GRB10: variants seen among roughly 807,000 people sequenced by gnomAD.
The protein encoded by GRB10 is growth factor receptor bound protein 10.
In GRB10, 20 loss-of-function variants were observed where a neutral mutation model predicts 80.9. That is an observed-to-expected ratio of 0.25 (90% confidence interval 0.17 to 0.36). GRB10 has a LOEUF of 0.36. GRB10 is among the 10% of genes least tolerant of loss of function. The probability of loss-of-function intolerance (pLI) is 1.00; values close to 1 mark genes in which losing one functional copy is unlikely to be tolerated. For missense variants in GRB10, 548 were observed against 747.7 expected (o/e 0.73, Z 3.12); for synonymous variants, 291 against 291.5 (o/e 1.00, Z 0.02).
In GRB10 at chr7:50,780,265, T is replaced by C. The variant is rs779714719; in HGVS notation, c.-217+362A>G. Among the ~76,000 whole-genome samples the C allele has an allele frequency of 2.2e-4, 33 of 152,190 alleles. 1 individual carries two copies. Among genetic ancestry groups the C allele is most frequent in the Non-Finnish European group, 4.1e-4 (28 of 68,040 alleles). On this transcript the variant is annotated intron_variant, in intron 2 of 18. Coordinates refer to ENST00000401949, the MANE Select transcript of GRB10 (RefSeq NM_001350814.2). Reference sequence around the variant, plus strand: ...AGAAAATATGGTCCATCACACCAGTTCTGCACGTGATGCATGGCCATGCCC... The same window carrying C: ...AGAAAATATGGTCCATCACACCAGTCCTGCACGTGATGCATGGCCATGCCC...
chr7:50,679,047 G>A (rs539632830), intron 5 of GRB10, among the ~76,000 whole-genome samples: 6 of 152,266 alleles, frequency 3.9e-5, no homozygotes, highest in East Asian at 1.9e-4. Flanking sequence ...CACTTCAGAC[G>A]GATTTATAAG....
chr7:50,666,773 G>A (rs989746563), intron 7 of GRB10, among the ~76,000 whole-genome samples: 10 of 152,002 alleles, frequency 6.6e-5, no homozygotes, highest in Admixed American at 2.0e-4. Flanking sequence ...AGGCGCAGTG[G>A]CTCACATCTG....
chr7:50,703,596 G>A lies in GRB10; in HGVS notation c.139+225C>T, dbSNP rs111456105. ...CTAGATAACTCGTATGAAACTGATC[G>A]TGAAGTTTTGCTCACTGAAGTTTGC... On this transcript the variant is annotated intron_variant, in intron 5 of 18. Transcript: ENST00000401949. Among the ~76,000 whole-genome samples, 1,498 of 152,308 alleles carry A rather than the reference G, an allele frequency of 9.8e-3. 17 individuals are homozygous for A. The highest frequency in any genetic ancestry group is 0.027 in the Middle Eastern group (8 of 294).
At chr7:50,793,083 TCCGCG>T (rs1309999704) in intron 1 of GRB10, 1 of 142,096 alleles carries the variant, frequency 7.0e-6, no homozygotes, top group Non-Finnish European at 1.6e-5. Context: ...CCGCCGCGCC[TCCGCG>T]GGGCCCGGCG....
intron 5 of GRB10, among the ~76,000 whole-genome samples, chr7:50,689,826 T>A (rs2062579552): frequency 6.6e-6 from 1 of 152,060 alleles, no homozygotes. Flanking sequence ...GTTTTTTTTT[T>A]TATTTTTTAC....
chr7:50,750,912 G>A (rs2074009305), intron 3 of GRB10, among the ~76,000 whole-genome samples: 1 of 152,150 alleles, frequency 6.6e-6, no homozygotes, highest in Non-Finnish European at 1.5e-5. Context: ...GGCTGTCTGA[G>A]GACAGCTCTC....
intron 13 of GRB10, among the ~76,000 whole-genome samples, chr7:50,611,697 T>G (rs953365974): frequency 6.6e-6 from 1 of 152,226 alleles, no homozygotes; most frequent in Non-Finnish European, 1.5e-5. Flanking sequence ...GAATTGGATC[T>G]GCAGCACCTC....
chr7:50,719,968 C>G lies in GRB10; in HGVS notation c.51+12304G>C, dbSNP rs145357495. 2.0e-3 allele frequency among the ~76,000 whole-genome samples: 307 copies of G among 152,222 alleles called. 11 individuals are homozygous for G. In the East Asian group the frequency reaches 0.045, roughly 22 times the overall value. ...GGTGGAGACACATTCTTCTGCCCCC[C>G]ACTCCAGCTGCTGGGAGCGGGGCTG... On this transcript the variant is annotated intron_variant, in intron 4 of 18. Transcript: ENST00000401949.
chr7:50,785,505 T>C (rs1367593608), upstream of GRB10, among the ~76,000 whole-genome samples: 1 of 152,216 alleles, frequency 6.6e-6, no homozygotes, highest in African/African-American at 2.4e-5. Context: ...CCCTGGCCCA[T>C]GGTGACGGGC....
intron 2 of GRB10, among the ~76,000 whole-genome samples, chr7:50,756,881 C>T (rs1346311941): frequency 6.6e-6 from 1 of 152,186 alleles, no homozygotes; most frequent in Non-Finnish European, 1.5e-5. Flanking sequence ...CAGAGAATGG[C>T]TTAGCAGTGT....
chr7:50,622,138 C>T (rs917325019), intron 8 of GRB10, among the ~76,000 whole-genome samples: 7 of 152,228 alleles, frequency 4.6e-5, no homozygotes, highest in African/African-American at 1.7e-4. Context: ...CTTTCCCAGG[C>T]TAAGAAACTG....
At chr7:50,643,327 T>G (rs568854685) in intron 7 of GRB10, among the ~76,000 whole-genome samples, 1 of 152,270 alleles carries the variant, frequency 6.6e-6, no homozygotes, top group South Asian at 2.1e-4. Context: ...CAGCATAAAC[T>G]GGACCAGCCA....
rs747536250 is a variant in GRB10 at position 50,750,557 on chromosome 7, A to G, written c.-47+5330T>C. 3.9e-4 allele frequency among the ~76,000 whole-genome samples: 59 copies of G among 152,196 alleles called. 1 individual carries two copies. The highest frequency in any genetic ancestry group is 6.8e-4 in the Non-Finnish European group (46 of 68,040). On this transcript the variant is annotated intron_variant, in intron 3 of 18. Transcript: ENST00000401949. ...GCCTGCCGAGAGTCTCTCTTGGGGC[A>G]AGACATCTAGAAGTGCTAGGGAACG...
chr7:50,639,402 G>A (rs1032122006), intron 7 of GRB10, among the ~76,000 whole-genome samples: 3 of 152,144 alleles, frequency 2.0e-5, no homozygotes, highest in Admixed American at 6.5e-5. Flanking sequence ...TTTGCCAGGC[G>A]CAGTGGCTCA....
chr7:50,718,862 C>G (rs2067282113), intron 4 of GRB10, among the ~76,000 whole-genome samples: 1 of 152,098 alleles, frequency 6.6e-6, no homozygotes, highest in African/African-American at 2.4e-5. Flanking sequence ...TTGAACCCCT[C>G]AAAATCTTTA....
chr7:50,699,153 T>C (rs2063824303), intron 5 of GRB10, among the ~76,000 whole-genome samples: 1 of 152,256 alleles, frequency 6.6e-6, no homozygotes, highest in Admixed American at 6.5e-5. Flanking sequence ...AGAGAATTCT[T>C]GCTCATTTTA....
At chr7:50,718,741 A>C (rs556278385) in intron 4 of GRB10, among the ~76,000 whole-genome samples, 1 of 152,292 alleles carries the variant, frequency 6.6e-6, no homozygotes, top group South Asian at 2.1e-4. Flanking sequence ...GCATACTGAA[A>C]TTGTAACCGT....
At chr7:50,696,503 C>A (rs919562160) in intron 5 of GRB10, among the ~76,000 whole-genome samples, 2 of 152,220 alleles carry the variant, frequency 1.3e-5, no homozygotes, top group African/African-American at 4.8e-5. Flanking sequence ...GCTGTTACCA[C>A]TGCACCACAC....
At chr7:50,792,499 C>T in intron 1 of GRB10, 1 of 398,588 alleles carries the variant, frequency 2.5e-6, no homozygotes, top group Non-Finnish European at 4.4e-6. Context: ...TTTGGAGAGG[C>T]AATCAGCAAA....
Sources: gnomAD v4.1 joint callset for allele counts (sites outside exome capture counted in the v4.1 genomes callset) on GRCh38, gnomAD v4.1.1 for gene constraint, MANE v1.5 for transcripts, NCBI Gene and HGNC (gene_info 2026-07-23, HGNC 2026-07-21) for gene names.